Variants in ANPEP observed in about 807,000 individuals in gnomAD.
ANPEP encodes aminopeptidase N.
ANPEP carries 70 observed loss-of-function variants against 114.6 expected under a neutral mutation model. The ratio of observed to expected loss-of-function variants is 0.61; its 90% CI spans 0.50 to 0.75. The LOEUF (loss-of-function observed/expected upper bound fraction) is 0.75. Among genes scored for constraint, ANPEP ranks in the 30% least tolerant of loss-of-function variants. The pLI is 0.00. For synonymous variants in ANPEP, 548 were observed against 522.3 expected (o/e 1.05, Z -0.67); for missense variants, 1,184 against 1,259.5 (o/e 0.94, Z 0.91).
At chr15:89,814,075 G>A (rs1175663708) in intron 1 of ANPEP, among the ~76,000 whole-genome samples, 1 of 151,580 alleles carries the variant, frequency 6.6e-6, no homozygotes, top group Non-Finnish European at 1.5e-5. Context: ...GACCAAGAGT[G>A]GATTGCAATG....
intron 14 of ANPEP, 115 bp from the exon 15 acceptor site, chr15:89,797,837 C>A: frequency 7.1e-7 from 1 of 1,404,700 alleles, no homozygotes; most frequent in Non-Finnish European, 9.8e-7. Flanking sequence ...CCTGTATCCA[C>A]TCCTGGAGCC....
In ANPEP at chr15:89,803,397, A is replaced by C; in HGVS notation, c.1503+45T>G. ...GAGGCCCGGGTCAAGGGCGAGGGGCAGAAGGAGACCCACCCTCATGGCTGG... is the reference window on the plus strand; with the variant it reads ...GAGGCCCGGGTCAAGGGCGAGGGGCCGAAGGAGACCCACCCTCATGGCTGG... On this transcript the variant is annotated intron_variant, in intron 9 of 20. Coordinates refer to ENST00000300060, the MANE Select transcript of ANPEP (RefSeq NM_001150.3). The surrounding 1 kb of genome is among the most constrained non-coding windows in gnomAD (Gnocchi z 4.2). 3 of 1,612,776 alleles carry C rather than the reference A, an allele frequency of 1.9e-6. No homozygotes were observed. The highest frequency in any genetic ancestry group is 1.7e-6 in the Non-Finnish European group (2 of 1,179,232).
At chr15:89,792,913 TGG>T in intron 16 of ANPEP, 120 bp downstream of exon 16, 1 of 865,274 alleles carries the variant, frequency 1.2e-6, no homozygotes, top group South Asian at 1.6e-5. Context: ...TGCTCCTGGG[TGG>T]GGGTCTCTCC....
At chr15:89,795,484 C>T (rs899929288) in intron 15 of ANPEP, among the ~76,000 whole-genome samples, 4 of 151,844 alleles carry the variant, frequency 2.6e-5, no homozygotes, top group African/African-American at 9.7e-5. Flanking sequence ...GGAGACGAGG[C>T]CCAAACCAAG....
chr15:89,790,691 G>T, intron 19 of ANPEP, 150 bp from the exon 20 acceptor site: 1 of 798,778 alleles, frequency 1.3e-6, no homozygotes, highest in Non-Finnish European at 2.1e-6. Flanking sequence ...GTCACAGCTT[G>T]AACACAGGTC....
intron 14 of ANPEP, among the ~76,000 whole-genome samples, chr15:89,798,663 C>A (rs992611029): frequency 1.3e-5 from 2 of 150,448 alleles, no homozygotes; most frequent in African/African-American, 4.9e-5. Flanking sequence ...GGGGCATGGC[C>A]AGGTGCCATG....
At chr15:89,801,739 T>C in intron 10 of ANPEP, 132 bp from the exon 11 acceptor site, 1 of 1,081,146 alleles carries the variant, frequency 9.2e-7, no homozygotes, top group East Asian at 2.6e-5. Flanking sequence ...GGCACTGGGC[T>C]GGGAGCCGGG....
In ANPEP at chr15:89,813,991, T is replaced by G. The variant is rs35633345; in HGVS notation, c.-224+781A>C. On this transcript the variant is annotated intron_variant, in intron 1 of 20. Coordinates refer to ENST00000300060, the MANE Select transcript of ANPEP (RefSeq NM_001150.3). ...GGGCCGTCCCTGCCCACCGCACTGC[T>G]GGGGGGGGGGGGTGCGTTCTGGAGT... Among the ~76,000 whole-genome samples, 839 of 111,714 alleles carry G rather than the reference T, an allele frequency of 7.5e-3. 10 individuals are homozygous for G. The highest frequency in any genetic ancestry group is 0.018 in the East Asian group (51 of 2,912). 73.3% of individuals were successfully genotyped at this position (111,714 alleles called of 152,430 possible). A position where few individuals can be genotyped will look rare whatever the true frequency, so the allele number is the denominator to read the frequency against.
chr15:89,799,829 TCA>T lies in ANPEP; in HGVS notation c.1820-272_1820-271del, dbSNP rs1456326556. ...ACGGCCAGGCCAGCTGCCAGGCCGC[TCA>T]CACTCAGCAATCCAGGCTGTTCCTC... On this transcript the variant is annotated intron_variant, in intron 12 of 20. Coordinates refer to ENST00000300060, the MANE Select transcript of ANPEP (RefSeq NM_001150.3). The surrounding 1 kb of genome is among the most constrained non-coding windows in gnomAD (Gnocchi z 4.2). Among the ~76,000 whole-genome samples, 2 of 152,102 alleles carry T rather than the reference TCA, an allele frequency of 1.3e-5. No individual in the cohort carries two copies. The highest frequency in any genetic ancestry group is 4.8e-5 in the African/African-American group (2 of 41,412).
At chr15:89,809,460 CT>C (rs1332202992) in intron 1 of ANPEP, among the ~76,000 whole-genome samples, 1 of 152,232 alleles carries the variant, frequency 6.6e-6, no homozygotes, top group Non-Finnish European at 1.5e-5. Context: ...GGCCTCTGGT[CT>C]TCCAAGTTGG....
intron 14 of ANPEP, among the ~76,000 whole-genome samples, chr15:89,798,805 T>C (rs1051818965): frequency 2.0e-5 from 3 of 152,104 alleles, no homozygotes; most frequent in Non-Finnish European, 1.5e-5. Context: ...CTGGGCATGG[T>C]GGTGCACACC....
rs913318956 is a variant in ANPEP at position 89,799,985 on chromosome 15, C to T, written c.1820-426G>A. ...GCTGTCTCTTTCTGGGGCTTAGTGCCCCTTCCTCCCTGTGGGTCCCCCTCC... is the reference window on the plus strand; with the variant it reads ...GCTGTCTCTTTCTGGGGCTTAGTGCTCCTTCCTCCCTGTGGGTCCCCCTCC... On this transcript the variant is annotated intron_variant, in intron 12 of 20. Transcript: ENST00000300060. This position sits in a 1 kb window ranked among gnomAD's most constrained non-coding sequence, Gnocchi z 4.2. 1.3e-5 allele frequency among the ~76,000 whole-genome samples: 2 copies of T among 152,140 alleles called. No homozygotes were observed. Among genetic ancestry groups the T allele is most frequent in the Admixed American group, 1.3e-4 (2 of 15,280 alleles).
chr15:89,806,353 G>T lies in ANPEP; in HGVS notation c.231C>A (p.Pro77=), dbSNP rs1955880886. The part of the protein sequence containing the change: ...QSKAWNRYRL[P]NTLKPDSYRV... ...GGTAGGAATCGGGTTTCAGCGTGTTGGGGAGGCGGTAACGATTCCACGCTT... is the reference window on the plus strand; with the variant it reads ...GGTAGGAATCGGGTTTCAGCGTGTTTGGGAGGCGGTAACGATTCCACGCTT... The change falls in exon 2 of 21, where the codon CCC becomes CCA. Residue 77 remains proline (P), a synonymous_variant. Coordinates refer to ENST00000300060, the MANE Select transcript of ANPEP (RefSeq NM_001150.3). This position sits in a 1 kb window ranked among gnomAD's most constrained non-coding sequence, Gnocchi z 5.7. 6 of 1,614,164 alleles carry T rather than the reference G, an allele frequency of 3.7e-6. No homozygotes were observed. The highest frequency in any genetic ancestry group is 5.1e-6 in the Non-Finnish European group (6 of 1,180,028).
At chr15:89,795,578 C>G (rs996847209) in intron 15 of ANPEP, among the ~76,000 whole-genome samples, 1 of 152,098 alleles carries the variant, frequency 6.6e-6, no homozygotes, top group Admixed American at 6.6e-5. Context: ...ATAAGAATGG[C>G]TCTGGGCATC....
chr15:89,810,677 C>A (rs1323496461), intron 1 of ANPEP, among the ~76,000 whole-genome samples: 1 of 152,210 alleles, frequency 6.6e-6, no homozygotes, highest in Non-Finnish European at 1.5e-5. Flanking sequence ...CATCGTATGC[C>A]CCTCCATGCC....
At position 89,792,230 on chromosome 15, in the gene ANPEP, T is replaced by C; in HGVS notation, c.2458A>G (p.Thr820Ala). ...DFAWEQFRNATLVNEADKLRA... is the reference protein window; with the variant it reads ...DFAWEQFRNAALVNEADKLRA... ...AGCTTGTCAGCCTCATTGACCAGTG[T>C]GGCATTTCGGAACTGCTCCCAGGCG... The change falls in exon 18 of 21, where the codon ACA becomes GCA. Residue 820 changes from threonine (T) to alanine (A), a missense_variant. By Grantham distance (58) the Thr-to-Ala change is moderately conservative. Transcript: ENST00000300060. 6.2e-7 allele frequency: 1 copy of C among 1,614,210 alleles called. No individual in the cohort carries two copies. Among genetic ancestry groups the C allele is most frequent in the South Asian group, 1.1e-5 (1 of 91,084 alleles).
Position 89,806,754 on chromosome 15 carries a change from G to T in ANPEP, c.-171C>A. The T allele has an allele frequency of 9.3e-7, 1 of 1,071,018 alleles. No individual in the cohort carries two copies. The highest frequency in any genetic ancestry group is 1.3e-6 in the Non-Finnish European group (1 of 772,178). 66.3% of individuals were successfully genotyped at this position (1,071,018 alleles called of 1,614,324 possible). A position where few individuals can be genotyped will look rare whatever the true frequency, so the allele number is the denominator to read the frequency against. On this transcript the variant is annotated 5_prime_UTR_variant, in exon 2 of 21. Coordinates refer to ENST00000300060, the MANE Select transcript of ANPEP (RefSeq NM_001150.3). The surrounding 1 kb of genome is among the most constrained non-coding windows in gnomAD (Gnocchi z 5.7). ...ACTGGACTGGGCAGGGGCACGCTCC[G>T]CCTGGGGAGAGGAGATCCAGGAACG...
chr15:89,807,809 C>T (rs1345570268), intron 1 of ANPEP, among the ~76,000 whole-genome samples: 1 of 152,196 alleles, frequency 6.6e-6, no homozygotes, highest in African/African-American at 2.4e-5. Flanking sequence ...AAAATACACA[C>T]CTTACAGGAA....
At chr15:89,804,689 GC>G in intron 4 of ANPEP, 72 bp from the exon 5 acceptor site, 1 of 1,569,784 alleles carries the variant, frequency 6.4e-7, no homozygotes. Flanking sequence ...GGGTCCCAGG[GC>G]CCAGTGGGCT....
Sources: gnomAD v4.1 joint callset for allele counts (sites outside exome capture counted in the v4.1 genomes callset) on GRCh38, gnomAD v4.1.1 for gene constraint, Gnocchi (gnomAD v3.1) non-coding constraint, MANE v1.5 for transcripts, NCBI Gene and HGNC (gene_info 2026-07-23, HGNC 2026-07-21) for gene names.